Variants in NDUFA10 observed in about 807,000 individuals in gnomAD.
The protein encoded by NDUFA10 is NADH:ubiquinone oxidoreductase subunit A10.
Under a neutral mutation model 47.8 loss-of-function variants are expected in NDUFA10, and 40 were observed. That is an observed-to-expected ratio of 0.84 (90% CI 0.65 to 1.09). The LOEUF (loss-of-function observed/expected upper bound fraction) is 1.09, where lower values mean the gene tolerates loss of function less well. Among genes scored for constraint, NDUFA10 ranks in the 50% least tolerant of loss-of-function variants. The pLI is 0.00. For synonymous variants in NDUFA10, 183 were observed against 172.2 expected, an observed-to-expected ratio of 1.06 and a Z score of -0.49; for missense variants, 413 against 451.1, an observed-to-expected ratio of 0.92 and a Z score of 0.76.
chr2:239,944,788 C>T (rs573942024), intron 4 of NDUFA10, among the ~76,000 whole-genome samples: 53 of 152,246 alleles, frequency 3.5e-4, no homozygotes, highest in African/African-American at 1.0e-3. Flanking sequence ...GCTCTGTCCA[C>T]GCCCAGAGCC....
Position 240,025,231 on chromosome 2 carries a change from C to G in NDUFA10, c.71G>C (p.Arg24Pro). ...SARVVAAGAQ[R>P]VRGIHSSVQC... ...GCCACCCCGCCGCCCGCTCACCACGCGCTGGGCGCCCGCCGCCACGACCCG... is the reference window on the plus strand; with the variant it reads ...GCCACCCCGCCGCCCGCTCACCACGGGCTGGGCGCCCGCCGCCACGACCCG... Residue 24 changes from arginine to proline, a missense_variant, in exon 1 of 10, where the codon CGC becomes CCC. Transcript: ENST00000252711. 1 of 1,493,112 alleles carries G rather than the reference C, an allele frequency of 6.7e-7. No individual in the cohort carries two copies. Among genetic ancestry groups the G allele is most frequent in the Non-Finnish European group, 8.9e-7 (1 of 1,127,436 alleles). The allele number at this position is 1,493,112 out of a possible 1,614,324, so 92.5% of individuals were successfully genotyped here.
At chr2:239,971,291 G>A (rs527238739) in intron 9 of NDUFA10, among the ~76,000 whole-genome samples, 49 of 152,348 alleles carry the variant, frequency 3.2e-4, no homozygotes, top group Non-Finnish European at 2.8e-4. Flanking sequence ...CATCGCAAGG[G>A]TCTCCAAGTA....
chr2:239,925,467 C>T (rs576333794), intron 4 of NDUFA10, among the ~76,000 whole-genome samples: 185 of 152,264 alleles, frequency 1.2e-3, no homozygotes, highest in African/African-American at 4.3e-3. Flanking sequence ...AGTGAGTGAA[C>T]ATCCATTGGC....
intron 7 of NDUFA10, among the ~76,000 whole-genome samples, chr2:240,005,528 T>C (rs1696917233): frequency 6.6e-6 from 1 of 152,106 alleles, no homozygotes; most frequent in African/African-American, 2.4e-5. Context: ...GGCTGATGTT[T>C]GTATTTTTAG....
chr2:239,906,391 G>C lies in NDUFA10; in HGVS notation c.295-11077C>G, dbSNP rs144522946. The stretch of plus-strand genomic sequence containing the variant: ...GGATACTCAGGGCACCTTCACCTCA[G>C]CACCCCAGCTGACCCTTGAAATCAG... On this transcript the variant is annotated intron_variant, in intron 4 of 5. Transcript: ENST00000419408. The surrounding 1 kb of genome is among the most constrained non-coding windows in gnomAD (Gnocchi z 4.3). Among the ~76,000 whole-genome samples the C allele has an allele frequency of 4.4e-3, 666 of 152,208 alleles. 2 individuals carry two copies. The highest frequency in any genetic ancestry group is 0.024 in the Middle Eastern group (7 of 294).
intron 4 of NDUFA10, among the ~76,000 whole-genome samples, chr2:239,901,357 C>G (rs1454283458): frequency 1.3e-5 from 2 of 151,884 alleles, no homozygotes; most frequent in Non-Finnish European, 2.9e-5. Flanking sequence ...AGACCTTGTC[C>G]CCAAAATAAT....
chr2:239,917,297 A>G (rs538805596), intron 4 of NDUFA10, among the ~76,000 whole-genome samples: 1 of 152,334 alleles, frequency 6.6e-6, no homozygotes, highest in East Asian at 1.9e-4. Flanking sequence ...AGTCTTGATA[A>G]ACACTGTCTT....
At chr2:239,982,174 CCT>C (rs771158255) in intron 9 of NDUFA10, 1 of 1,612,870 alleles carries the variant, frequency 6.2e-7, no homozygotes, top group African/African-American at 1.3e-5. Context: ...ACTTCAGGAC[CCT>C]CTCTTGTACT....
intron 4 of NDUFA10, among the ~76,000 whole-genome samples, chr2:239,903,459 A>C (rs1294937231): frequency 6.6e-6 from 1 of 152,144 alleles, no homozygotes; most frequent in Non-Finnish European, 1.5e-5. Flanking sequence ...GCTGCTCTGC[A>C]TGTCCCAGGA....
rs931018420 is a variant in NDUFA10 at position 239,958,950 on chromosome 2, T to C, written c.*2168A>G. 2.3e-5 allele frequency: 23 copies of C among 985,282 alleles called. No homozygotes were observed. The African/African-American group carries it at 3.8e-4, about 16-fold the overall frequency. The allele number at this position is 985,282 out of a possible 1,614,324, so 61.0% of individuals were successfully genotyped here. On this transcript the variant is annotated 3_prime_UTR_variant, in exon 10 of 10. Transcript: ENST00000252711. ...GATCCTGGTTTGTTGGTGCTGTTGT[T>C]TTAGTTGTAAGAGCTTTCGTGAGAC...
downstream of NDUFA10, among the ~76,000 whole-genome samples, chr2:239,956,493 A>G (rs775376727): frequency 8.5e-5 from 13 of 152,168 alleles, no homozygotes; most frequent in East Asian, 2.3e-3. Flanking sequence ...ATTTGGACAG[A>G]AGGGCTGTGC....
chr2:239,894,813 G>A (rs1693360918), intron 5 of NDUFA10, among the ~76,000 whole-genome samples: 1 of 151,754 alleles, frequency 6.6e-6, no homozygotes, highest in South Asian at 2.1e-4. Flanking sequence ...ATCTTTTTAT[G>A]GCTGAAATAT....
chr2:240,014,979 C>A, intron 4 of NDUFA10, 119 bp from the exon 5 acceptor site: 1 of 1,399,130 alleles, frequency 7.1e-7, no homozygotes, highest in Non-Finnish European at 9.9e-7. Context: ...ACGTACCAAT[C>A]TACAAACCCT....
Position 239,945,669 on chromosome 2 carries a change from A to G in NDUFA10, c.294+44405T>C, listed in dbSNP as rs1427261067. On this transcript the variant is annotated intron_variant, in intron 4 of 5. Coordinates refer to the NDUFA10 transcript ENST00000419408. The surrounding 1 kb of genome is among the most constrained non-coding windows in gnomAD (Gnocchi z 4.6). ...GATTGGCCCTGGGATGAAAACCAGC[A>G]TGTCAGAGCAGAAGCATCTCCAGAG... Among the ~76,000 whole-genome samples the G allele has an allele frequency of 6.6e-6, 1 of 152,226 alleles. No individual in the cohort carries two copies. The highest frequency in any genetic ancestry group is 6.5e-5 in the Admixed American group (1 of 15,292).
At chr2:239,966,199 G>T (rs1275109662) in intron 9 of NDUFA10, among the ~76,000 whole-genome samples, 1 of 152,160 alleles carries the variant, frequency 6.6e-6, no homozygotes, top group African/African-American at 2.4e-5. Context: ...GAGGCACCCT[G>T]CCCAGTCACC....
chr2:239,936,540 C>T (rs1391179000), intron 4 of NDUFA10, among the ~76,000 whole-genome samples: 5 of 152,152 alleles, frequency 3.3e-5, no homozygotes, highest in Admixed American at 1.3e-4. Flanking sequence ...AGTGCAGGCT[C>T]ACACACCAGG....
chr2:239,946,482 G>C (rs926860498), intron 4 of NDUFA10, among the ~76,000 whole-genome samples: 1 of 152,214 alleles, frequency 6.6e-6, no homozygotes, highest in Non-Finnish European at 1.5e-5. Flanking sequence ...CAGGCACTGC[G>C]CTCAGAGCCA....
chr2:239,910,231 T>C (rs1355842676), intron 4 of NDUFA10, among the ~76,000 whole-genome samples: 1 of 152,174 alleles, frequency 6.6e-6, no homozygotes, highest in Non-Finnish European at 1.5e-5. Context: ...ACTCAAAGGA[T>C]TATAAATCAT....
intron 4 of NDUFA10, among the ~76,000 whole-genome samples, chr2:239,941,840 T>C (rs955274785): frequency 6.6e-6 from 1 of 152,196 alleles, no homozygotes; most frequent in African/African-American, 2.4e-5. Flanking sequence ...TATGCCTGTA[T>C]ATCAACAGAA....
Sources: allele counts gnomAD v4.1 joint callset (sites outside exome capture counted in the v4.1 genomes callset), GRCh38; gene constraint gnomAD v4.1.1; non-coding constraint Gnocchi (gnomAD v3.1); transcripts MANE v1.5; gene names NCBI Gene and HGNC (gene_info 2026-07-23, HGNC 2026-07-21).